The following NEK11 variants were observed in gnomAD, a reference collection of about 807,000 sequenced individuals.
NEK11 encodes NIMA related kinase 11.
In NEK11, 72 loss-of-function variants were observed where a neutral mutation model predicts 80.7. The ratio of observed to expected loss-of-function variants is 0.89; its 90% CI spans 0.74 to 1.08. The LOEUF (loss-of-function observed/expected upper bound fraction) is 1.08. NEK11 is among the 50% of genes least tolerant of loss of function. NEK11 has a pLI of 0.00. For synonymous variants in NEK11, 251 were observed against 260.7 expected, an observed-to-expected ratio of 0.96 and a Z score of 0.36; for missense variants, 764 against 763.6, an observed-to-expected ratio of 1.00 and a Z score of -0.01.
chr3:131,117,432 T>C (rs545761731), intron 5 of NEK11, among the ~76,000 whole-genome samples: 1 of 152,360 alleles, frequency 6.6e-6, no homozygotes, highest in African/African-American at 2.4e-5. Context: ...TTTGTTCTTT[T>C]GGTTTAGGAT....
At chr3:131,157,840 T>A (rs2090935152) in intron 10 of NEK11, among the ~76,000 whole-genome samples, 1 of 152,172 alleles carries the variant, frequency 6.6e-6, no homozygotes, top group African/African-American at 2.4e-5. Context: ...TCTGGAATCC[T>A]GGCTGGAGGA....
At position 131,060,400 on chromosome 3, in the gene NEK11, C is replaced by T. The variant is rs540386640; in HGVS notation, c.171-20023C>T. ...TTTTTCATCGAGGCAATTTATCTAGCCTTCTAATAATTCAATCCAAGTTTA... is the reference window on the plus strand; with the variant it reads ...TTTTTCATCGAGGCAATTTATCTAGTCTTCTAATAATTCAATCCAAGTTTA... On this transcript the variant is annotated intron_variant, in intron 3 of 17. Coordinates refer to ENST00000383366, the MANE Select transcript of NEK11 (RefSeq NM_024800.5). Among the ~76,000 whole-genome samples, 3 of 152,258 alleles carry T rather than the reference C, an allele frequency of 2.0e-5. No homozygotes were observed. In the South Asian group the frequency reaches 6.2e-4, roughly 32 times the overall value.
At position 131,350,052 on chromosome 3, in the gene NEK11, G is replaced by T. The variant is rs1049270802; in HGVS notation, c.*276G>T. The T allele has an allele frequency of 5.4e-6, 2 of 371,036 alleles. No individual in the cohort carries two copies. The highest frequency in any genetic ancestry group is 4.2e-5 in the African/African-American group (2 of 47,824). 23.0% of individuals were successfully genotyped at this position (371,036 alleles called of 1,614,324 possible). ...CATTTCTCTCATGTGCGCCCTCAGGGCTTCCAGCAGGATTGAGTCACCCTG... is the reference window on the plus strand; with the variant it reads ...CATTTCTCTCATGTGCGCCCTCAGGTCTTCCAGCAGGATTGAGTCACCCTG... On this transcript the variant is annotated 3_prime_UTR_variant, in exon 18 of 18. Transcript: ENST00000383366.
intron 14 of NEK11, among the ~76,000 whole-genome samples, chr3:131,192,251 C>T (rs1451256540): frequency 6.6e-6 from 1 of 152,048 alleles, no homozygotes; most frequent in South Asian, 2.1e-4. Flanking sequence ...GACTTTACAC[C>T]CATTAGAATG....
At chr3:131,209,971 GTC>G (rs1254873333) in intron 14 of NEK11, among the ~76,000 whole-genome samples, 1 of 152,026 alleles carries the variant, frequency 6.6e-6, no homozygotes, top group Non-Finnish European at 1.5e-5. Context: ...GTTTTTTTGT[GTC>G]TCTAGCTCCT....
Position 131,158,253 on chromosome 3 carries a change from C to T in NEK11, c.962+3132C>T, listed in dbSNP as rs137934210. The stretch of plus-strand genomic sequence containing the variant: ...GATCCAGTAGGGAGGCCTGCTCCTT[C>T]CCCTAACTGCAGCTTCCTCAGGCTC... On this transcript the variant is annotated intron_variant, in intron 10 of 17. Transcript: ENST00000383366. Among the ~76,000 whole-genome samples, 356 of 152,254 alleles carry T rather than the reference C, an allele frequency of 2.3e-3. 1 individual carries two copies. The highest frequency in any genetic ancestry group is 8.1e-3 in the African/African-American group (335 of 41,550).
intron 14 of NEK11, among the ~76,000 whole-genome samples, chr3:131,197,266 C>T (rs569345180): frequency 6.6e-6 from 1 of 152,272 alleles, no homozygotes; most frequent in South Asian, 2.1e-4. Context: ...TAACTGCTTC[C>T]TGCTGAATTG....
chr3:131,125,430 G>A (rs2083147160), intron 5 of NEK11, among the ~76,000 whole-genome samples: 1 of 152,050 alleles, frequency 6.6e-6, no homozygotes, highest in African/African-American at 2.4e-5. Context: ...TTAATTTGGT[G>A]GGCATGTAAC....
Position 131,093,433 on chromosome 3 carries a change from T to G in NEK11, c.336+12845T>G, listed in dbSNP as rs556014367. On this transcript the variant is annotated intron_variant, in intron 4 of 17. Coordinates refer to ENST00000383366, the MANE Select transcript of NEK11 (RefSeq NM_024800.5). ...TGTGGAAAGAACCAGATGTGCAATT[T>G]TTTTTTTTGAGACAGAGTCTCGCTC... is the stretch of plus-strand genomic sequence containing the variant. Among the ~76,000 whole-genome samples, 1,245 of 151,870 alleles carry G rather than the reference T, an allele frequency of 8.2e-3. 21 individuals carry two copies. Among genetic ancestry groups the G allele is most frequent in the African/African-American group, 0.028 (1,176 of 41,454 alleles).
chr3:131,278,075 C>T (rs1241384674), intron 17 of NEK11, among the ~76,000 whole-genome samples: 2 of 152,218 alleles, frequency 1.3e-5, no homozygotes, highest in African/African-American at 4.8e-5. Context: ...TTTGTTAAGA[C>T]ATGCATGTAG....
chr3:131,128,362 C>T (rs2083741945), intron 5 of NEK11, among the ~76,000 whole-genome samples: 1 of 152,138 alleles, frequency 6.6e-6, no homozygotes, highest in African/African-American at 2.4e-5. Context: ...TTTTTGTTGT[C>T]TCCATAGTTT....
At chr3:131,288,450 C>CTTTCTTTCTCTCT (rs536834704) in intron 17 of NEK11, among the ~76,000 whole-genome samples, 4 of 115,396 alleles carry the variant, frequency 3.5e-5, no homozygotes, top group Non-Finnish European at 7.3e-5. Context: ...TTCTTTCTTT[C>CTTTCTTTCTCTCT]TTTTTTTTTT....
At chr3:131,142,804 C>T (rs910807574) in intron 7 of NEK11, among the ~76,000 whole-genome samples, 2 of 152,114 alleles carry the variant, frequency 1.3e-5, no homozygotes, top group Non-Finnish European at 2.9e-5. Context: ...CTTTTTCCTC[C>T]ATTAGCCACA....
At chr3:131,346,883 A>G (rs1173317503) in intron 17 of NEK11, among the ~76,000 whole-genome samples, 1 of 152,200 alleles carries the variant, frequency 6.6e-6, no homozygotes, top group Non-Finnish European at 1.5e-5. Context: ...TGGGCAACTC[A>G]GGTAGGGTAA....
intron 17 of NEK11, among the ~76,000 whole-genome samples, chr3:131,322,641 A>G (rs1197915284): frequency 1.3e-5 from 2 of 152,178 alleles, no homozygotes; most frequent in Non-Finnish European, 2.9e-5. Flanking sequence ...TGTGATTAGT[A>G]GGTCTGAGGA....
intron 14 of NEK11, among the ~76,000 whole-genome samples, chr3:131,190,895 A>G (rs1199928644): frequency 6.6e-6 from 1 of 152,176 alleles, no homozygotes; most frequent in Non-Finnish European, 1.5e-5. Flanking sequence ...ATTGGGAGGT[A>G]TGGAAAGGTG....
intron 14 of NEK11, among the ~76,000 whole-genome samples, chr3:131,179,057 T>A (rs1477741700): frequency 6.6e-6 from 1 of 152,174 alleles, no homozygotes; most frequent in Non-Finnish European, 1.5e-5. Flanking sequence ...ACTCCCTCCT[T>A]ATGAATGGGA....
At chr3:131,065,712 A>G (rs552612248) in intron 3 of NEK11, among the ~76,000 whole-genome samples, 29 of 152,294 alleles carry the variant, frequency 1.9e-4, no homozygotes, top group African/African-American at 5.5e-4. Context: ...TCCTGACTCT[A>G]ACTATAAACT....
intron 7 of NEK11, among the ~76,000 whole-genome samples, chr3:131,148,158 A>G (rs1453147267): frequency 1.3e-5 from 2 of 151,690 alleles, no homozygotes; most frequent in Non-Finnish European, 2.9e-5. Flanking sequence ...CTATAATGAG[A>G]TATATTTTGA....
Sources: allele counts gnomAD v4.1 joint callset (sites outside exome capture counted in the v4.1 genomes callset), GRCh38; gene constraint gnomAD v4.1.1; transcripts MANE v1.5; gene names NCBI Gene and HGNC (gene_info 2026-07-23, HGNC 2026-07-21).